The following PCSK5 variants were observed in gnomAD, a reference collection of about 807,000 sequenced individuals.
PCSK5 encodes proprotein convertase subtilisin/kexin type 5.
Under a neutral mutation model 233.2 loss-of-function variants are expected in PCSK5, and 129 were observed. The observed-to-expected ratio is 0.55, with a 90% CI of 0.48 to 0.64. The LOEUF (loss-of-function observed/expected upper bound fraction) is 0.64, where lower values mean the gene tolerates loss of function less well. PCSK5 is among the 30% of genes least tolerant of loss of function. PCSK5 has a pLI of 0.00. For synonymous variants in PCSK5, 825 were observed against 879.2 expected, an observed-to-expected ratio of 0.94 and a Z score of 1.09; for missense variants, 2,076 against 2,430.1, an observed-to-expected ratio of 0.85 and a Z score of 3.06.
At chr9:76,231,927 A>C (rs1453855221) in intron 21 of PCSK5, among the ~76,000 whole-genome samples, 1 of 152,204 alleles carries the variant, frequency 6.6e-6, no homozygotes, top group East Asian at 1.9e-4. Context: ...CTAGGAATCC[A>C]AGAGAGAGGT....
At chr9:75,907,033 G>A (rs766366728) in intron 1 of PCSK5, among the ~76,000 whole-genome samples, 2 of 152,066 alleles carry the variant, frequency 1.3e-5, no homozygotes, top group African/African-American at 4.8e-5. Context: ...TGCTGAATGC[G>A]CCCTGTCTCA....
chr9:76,214,841 A>C (rs1825464492), intron 20 of PCSK5, among the ~76,000 whole-genome samples: 1 of 152,164 alleles, frequency 6.6e-6, no homozygotes, highest in African/African-American at 2.4e-5. Context: ...TCTGAGAATT[A>C]AGTGTGAAAA....
At chr9:76,125,548 T>A (rs934142653) in intron 9 of PCSK5, among the ~76,000 whole-genome samples, 1 of 152,240 alleles carries the variant, frequency 6.6e-6, no homozygotes, top group Non-Finnish European at 1.5e-5. Flanking sequence ...CACAGGACTG[T>A]CATGAAGAAT....
chr9:76,069,684 GC>G (rs1830414409), intron 6 of PCSK5, among the ~76,000 whole-genome samples: 1 of 151,940 alleles, frequency 6.6e-6, no homozygotes, highest in Non-Finnish European at 1.5e-5. Flanking sequence ...ATTTTTTCAT[GC>G]ATGACATAGA....
At chr9:76,065,262 G>A (rs1461477106) in intron 5 of PCSK5, among the ~76,000 whole-genome samples, 3 of 151,904 alleles carry the variant, frequency 2.0e-5, no homozygotes, top group African/African-American at 7.3e-5. Flanking sequence ...ATTCCCACCA[G>A]CAGTGTTCTC....
chr9:76,174,473 ATTTT>A (rs918756961), intron 13 of PCSK5, among the ~76,000 whole-genome samples: 1 of 148,464 alleles, frequency 6.7e-6, no homozygotes. Flanking sequence ...CGCCCAGCTA[ATTTT>A]TTTTTTGTAT....
intron 2 of PCSK5, among the ~76,000 whole-genome samples, chr9:75,953,898 T>A (rs550402820): frequency 3.3e-5 from 5 of 152,274 alleles, no homozygotes; most frequent in African/African-American, 9.6e-5. Flanking sequence ...ATGAGCCCCA[T>A]TGAAGTCCTG....
intron 36 of PCSK5, 38 bp downstream of exon 36, chr9:76,350,966 C>T: frequency 9.7e-7 from 1 of 1,035,238 alleles, no homozygotes; most frequent in Non-Finnish European, 1.5e-6. Context: ...TCTGCTCTTT[C>T]TAGAGGGAAA....
intron 2 of PCSK5, among the ~76,000 whole-genome samples, chr9:75,940,265 T>TA (rs1824241254): frequency 6.6e-6 from 1 of 152,238 alleles, no homozygotes; most frequent in Non-Finnish European, 1.5e-5. Flanking sequence ...TATACACTCT[T>TA]AAATCCATTT....
At chr9:75,952,360 A>T (rs1300631666) in intron 2 of PCSK5, among the ~76,000 whole-genome samples, 3 of 152,144 alleles carry the variant, frequency 2.0e-5, no homozygotes, top group African/African-American at 7.2e-5. Flanking sequence ...TCCCTTAAGC[A>T]CCTTTCTACT....
intron 24 of PCSK5, among the ~76,000 whole-genome samples, chr9:76,282,402 C>T (rs1404731679): frequency 2.0e-5 from 3 of 146,356 alleles, no homozygotes; most frequent in African/African-American, 5.2e-5. Flanking sequence ...TCACTGCAGC[C>T]TTGACCTCCG....
chr9:76,154,684 C>T (rs117250242), intron 10 of PCSK5, among the ~76,000 whole-genome samples: 3,197 of 152,166 alleles, frequency 0.021, 56 homozygotes, highest in Middle Eastern at 0.048. Context: ...AAGGACTGAT[C>T]GGAGGTAGAG....
chr9:76,269,357 C>A (rs1827434445), intron 24 of PCSK5, among the ~76,000 whole-genome samples: 1 of 152,144 alleles, frequency 6.6e-6, no homozygotes, highest in Non-Finnish European at 1.5e-5. Context: ...GGAGTGAATA[C>A]AACCCAGGAA....
At chr9:76,044,631 T>G (rs11144728) in intron 5 of PCSK5, among the ~76,000 whole-genome samples, 4 of 151,630 alleles carry the variant, frequency 2.6e-5, no homozygotes, top group African/African-American at 9.7e-5. Context: ...TGTAATAACT[T>G]TTGGTATTAG....
intron 1 of PCSK5, among the ~76,000 whole-genome samples, chr9:75,896,145 ATGCATAT>A (rs1825792230): frequency 6.6e-6 from 1 of 152,160 alleles, no homozygotes; most frequent in South Asian, 2.1e-4. Flanking sequence ...CCACTCTCAT[ATGCATAT>A]TTCTTATGAT....
chr9:76,302,673 G>A (rs1177041544), intron 28 of PCSK5, among the ~76,000 whole-genome samples: 1 of 152,168 alleles, frequency 6.6e-6, no homozygotes, highest in Admixed American at 6.5e-5. Flanking sequence ...GCCACCAAAA[G>A]GAAGAGGTTC....
chr9:75,903,536 G>A (rs938855728), intron 1 of PCSK5, among the ~76,000 whole-genome samples: 2 of 134,492 alleles, frequency 1.5e-5, no homozygotes, highest in Non-Finnish European at 1.6e-5. Flanking sequence ...GTCTCTCTCT[G>A]TATGTGTATG....
intron 32 of PCSK5, among the ~76,000 whole-genome samples, chr9:76,327,097 T>C (rs1237472492): frequency 7.1e-6 from 1 of 140,264 alleles, no homozygotes; most frequent in Admixed American, 7.3e-5. Flanking sequence ...TGAAGGCCCA[T>C]CTCTATTTTT....
At chr9:76,123,136 G>A (rs909480225) in intron 9 of PCSK5, among the ~76,000 whole-genome samples, 5 of 152,076 alleles carry the variant, frequency 3.3e-5, no homozygotes, top group African/African-American at 9.6e-5. Flanking sequence ...GAGCCACTGC[G>A]CCCGGCCTAC....
Sources: gnomAD v4.1 joint callset for allele counts (sites outside exome capture counted in the v4.1 genomes callset) on GRCh38, gnomAD v4.1.1 for gene constraint, MANE v1.5 for transcripts, NCBI Gene and HGNC (gene_info 2026-07-23, HGNC 2026-07-21) for gene names.